RBFOX3: variants seen among roughly 807,000 people sequenced by gnomAD.
RBFOX3 encodes RNA binding protein fox-1 homolog 3.
RBFOX3 carries 17 observed loss-of-function variants against 48.7 expected under a neutral mutation model. The observed-to-expected ratio is 0.35, with a 90% confidence interval of 0.24 to 0.52. The LOEUF (loss-of-function observed/expected upper bound fraction) is 0.52, where lower values mean the gene tolerates loss of function less well. Among genes scored for constraint, RBFOX3 ranks in the 20% least tolerant of loss-of-function variants. The pLI is 0.94. For synonymous variants in RBFOX3, 212 were observed against 209.5 expected, an observed-to-expected ratio of 1.01 and a Z score of -0.10; for missense variants, 382 against 497.5, an observed-to-expected ratio of 0.77 and a Z score of 2.21.
At chr17:79,113,117 G>A (rs1479113428) in intron 5 of RBFOX3, among the ~76,000 whole-genome samples, 2 of 152,126 alleles carry the variant, frequency 1.3e-5, no homozygotes. Flanking sequence ...GCCAAGGGGA[G>A]GCTCGAGTGA....
intron 1 of RBFOX3, among the ~76,000 whole-genome samples, chr17:79,507,351 A>G (rs2083313360): frequency 6.6e-6 from 1 of 152,144 alleles, no homozygotes. Context: ...TATAGGCCTA[A>G]GCAGGGCCCG....
intron 3 of RBFOX3, chr17:79,298,433 T>A (rs372360709): frequency 2.0e-5 from 3 of 152,212 alleles, no homozygotes; most frequent in African/African-American, 7.2e-5. Context: ...GGATTAAATA[T>A]CAGAAGACAA....
chr17:79,543,705 C>T (rs1421359527), intron 1 of RBFOX3, among the ~76,000 whole-genome samples: 6 of 152,230 alleles, frequency 3.9e-5, no homozygotes, highest in East Asian at 1.9e-4. Context: ...GTTCCAACCC[C>T]GCGGTCTTAG....
At chr17:79,527,971 C>T (rs2087025479) in intron 1 of RBFOX3, among the ~76,000 whole-genome samples, 1 of 152,188 alleles carries the variant, frequency 6.6e-6, no homozygotes, top group Admixed American at 6.5e-5. Flanking sequence ...TTGAATTGTG[C>T]CCACCACCAA....
intron 4 of RBFOX3, chr17:79,208,641 G>GGGCAGA (rs61527241): frequency 0.31 from 46,605 of 151,506 alleles, 7,354 homozygotes; most frequent in Admixed American, 0.37. Flanking sequence ...GGCCCTTCCC[G>GGGCAGA]GGCAGAGGCA....
chr17:79,508,164 G>C (rs982832304), intron 1 of RBFOX3, among the ~76,000 whole-genome samples: 1 of 152,240 alleles, frequency 6.6e-6, no homozygotes, highest in South Asian at 2.1e-4. Context: ...TGAAAATGAC[G>C]GCAGCCCCTG....
chr17:79,338,188 C>A (rs2081492425), intron 2 of RBFOX3, among the ~76,000 whole-genome samples: 1 of 152,178 alleles, frequency 6.6e-6, no homozygotes, highest in Non-Finnish European at 1.5e-5. Flanking sequence ...ATCCACCCAC[C>A]TTAGCCTCCC....
At chr17:79,102,806 G>A (rs949079056) in intron 8 of RBFOX3, among the ~76,000 whole-genome samples, 5 of 152,346 alleles carry the variant, frequency 3.3e-5, no homozygotes, top group Admixed American at 1.3e-4. Flanking sequence ...AGCAGGGTCT[G>A]GGGATTAATG....
chr17:79,459,202 G>C (rs150897868), intron 2 of RBFOX3, among the ~76,000 whole-genome samples: 12 of 152,160 alleles, frequency 7.9e-5, no homozygotes, highest in Non-Finnish European at 1.6e-4. Flanking sequence ...GAGTGCATAG[G>C]GACAGCAGCA....
the RBFOX3 span, among the ~76,000 whole-genome samples, chr17:79,617,627 C>T: frequency 1.3e-5 from 2 of 152,228 alleles, no homozygotes; most frequent in Admixed American, 6.5e-5. Flanking sequence ...GCATCTCCAC[C>T]TGTCTTTCTC....
Position 79,096,705 on chromosome 17 carries a change from G to A in RBFOX3, c.884C>T (p.Pro295Leu), listed in dbSNP as rs1398128870. 1 of 1,549,892 alleles carries A rather than the reference G, an allele frequency of 6.5e-7. No individual in the cohort carries two copies. Among genetic ancestry groups the A allele is most frequent in the Non-Finnish European group, 8.7e-7 (1 of 1,146,078 alleles). Reference sequence around the variant, plus strand: ...CTGATACACGACCCTGGAAGCAAACGGACAAGAAAGTGGTGGGAACGCTGG... The same window carrying A: ...CTGATACACGACCCTGGAAGCAAACAGACAAGAAAGTGGTGGGAACGCTGG... ...TSPAFPPLSCPFASRVVYQDG... is the reference protein window; with the variant it reads ...TSPAFPPLSCLFASRVVYQDG... The change falls in exon 12 of 15, where the codon CCG (proline) becomes CTG (leucine). Residue 295 changes from proline (P) to leucine (L), a missense_variant. Physicochemically the swap from Pro to Leu is moderately conservative, Grantham distance 98. This residue lies in a region of RBFOX3 where 215 missense variants were observed against 254.8 expected (regional missense o/e 0.84). Transcript: ENST00000693108.
intron 2 of RBFOX3, among the ~76,000 whole-genome samples, chr17:79,354,896 A>C (rs12451668): frequency 0.023 from 3,519 of 152,354 alleles, 157 homozygotes; most frequent in Admixed American, 0.12. Context: ...CTAAAGTAAA[A>C]TTAAAAGCTA....
chr17:79,335,466 G>A (rs986265184), intron 2 of RBFOX3, among the ~76,000 whole-genome samples: 4 of 152,110 alleles, frequency 2.6e-5, no homozygotes, highest in East Asian at 1.9e-4. Context: ...CATCACCCTC[G>A]TCTTACAGTG....
intron 2 of RBFOX3, among the ~76,000 whole-genome samples, chr17:79,376,295 GGAGA>G (rs2059213761): frequency 6.6e-6 from 1 of 152,206 alleles, no homozygotes; most frequent in Non-Finnish European, 1.5e-5. Context: ...CACTTGGAAA[GGAGA>G]GAGAAAGTCC....
intron 1 of RBFOX3, among the ~76,000 whole-genome samples, chr17:79,539,948 C>A (rs186829848): frequency 6.6e-6 from 1 of 152,206 alleles, no homozygotes; most frequent in African/African-American, 2.4e-5. Flanking sequence ...TACAAAAAAA[C>A]CTTTGTCATT....
At chr17:79,257,289 C>T (rs74488223) in intron 3 of RBFOX3, among the ~76,000 whole-genome samples, 12,196 of 152,298 alleles carry the variant, frequency 0.08, 505 homozygotes, top group South Asian at 0.11. Flanking sequence ...GAGACACCAG[C>T]ACAGGGATGC....
At chr17:79,193,392 A>AT (rs2054911130) in intron 4 of RBFOX3, among the ~76,000 whole-genome samples, 1 of 152,110 alleles carries the variant, frequency 6.6e-6, no homozygotes, top group African/African-American at 2.4e-5. Context: ...AACACACCAT[A>AT]TATTAGGAAG....
At chr17:79,439,129 T>C (rs549274816) in intron 2 of RBFOX3, among the ~76,000 whole-genome samples, 1 of 152,252 alleles carries the variant, frequency 6.6e-6, no homozygotes, top group Admixed American at 6.5e-5. Context: ...GCGTGATAAA[T>C]AGCAGGAATA....
chr17:79,489,674 G>A (rs1265716237), intron 1 of RBFOX3, among the ~76,000 whole-genome samples: 1 of 152,214 alleles, frequency 6.6e-6, no homozygotes, highest in Non-Finnish European at 1.5e-5. Flanking sequence ...CATTTCCTCA[G>A]GGTATGCAGC....
Sources: allele counts gnomAD v4.1 joint callset (sites outside exome capture counted in the v4.1 genomes callset), GRCh38; gene constraint gnomAD v4.1.1; regional missense constraint gnomAD v4.1.1; transcripts MANE v1.5; gene names NCBI Gene and HGNC (gene_info 2026-07-23, HGNC 2026-07-21).